Variants in CR1L observed in about 807,000 individuals in gnomAD.
CR1L encodes complement component receptor 1-like protein.
CR1L carries 59 observed loss-of-function variants against 62.3 expected under a neutral mutation model. The ratio of observed to expected loss-of-function variants is 0.95; its 90% CI spans 0.77 to 1.18. CR1L has a LOEUF of 1.18. Ranked by LOEUF, CR1L falls within the 50% of genes most tolerant of loss-of-function variation. The probability of loss-of-function intolerance (pLI) is 0.00; values close to 1 mark genes in which losing one functional copy is unlikely to be tolerated. For missense variants in CR1L, 700 were observed against 702.8 expected, an observed-to-expected ratio of 1.00 and a Z score of 0.04; for synonymous variants, 279 against 248.7, an observed-to-expected ratio of 1.12 and a Z score of -1.15.
chr1:207,718,240 G>T (rs533761028), intron 11 of CR1L, among the ~76,000 whole-genome samples: 13 of 152,246 alleles, frequency 8.5e-5, no homozygotes, highest in Admixed American at 7.8e-4. Flanking sequence ...AACTCGGGAG[G>T]CCCTGGAGAA....
chr1:207,683,005 T>A (rs1283984361), intron 3 of CR1L, among the ~76,000 whole-genome samples: 1 of 124,274 alleles, frequency 8.0e-6, no homozygotes, highest in African/African-American at 2.7e-5. Flanking sequence ...TCTTTCTTTC[T>A]TTCTTTTTCT....
chr1:207,709,716 A>G (rs1664322848), intron 10 of CR1L, among the ~76,000 whole-genome samples: 1 of 151,348 alleles, frequency 6.6e-6, no homozygotes, highest in Non-Finnish European at 1.5e-5. Flanking sequence ...GCATGTCTGT[A>G]ATCCCAGCTA....
chr1:207,717,348 T>A (rs1654023264), intron 10 of CR1L, 116 bp from the exon 11 acceptor site: 1 of 1,187,504 alleles, frequency 8.4e-7, no homozygotes. Context: ...CCACCTTAGT[T>A]ATAGTCTTTC....
intron 4 of CR1L, among the ~76,000 whole-genome samples, chr1:207,686,385 G>A (rs1558018990): frequency 6.6e-6 from 1 of 151,636 alleles, no homozygotes; most frequent in Non-Finnish European, 1.5e-5. Context: ...TTTGAATTAA[G>A]GACATTCTCA....
At chr1:207,706,038 T>TATATATAC (rs1664262229) in intron 9 of CR1L, among the ~76,000 whole-genome samples, 1 of 145,436 alleles carries the variant, frequency 6.9e-6, no homozygotes, top group South Asian at 2.1e-4. Context: ...TATATATATA[T>TATATATAC]ATATATAAAA....
At chr1:207,655,666 G>A (rs1203547301) in intron 1 of CR1L, among the ~76,000 whole-genome samples, 4 of 152,234 alleles carry the variant, frequency 2.6e-5, no homozygotes, top group African/African-American at 4.8e-5. Flanking sequence ...TTGAACTCCC[G>A]TGCTCAAGCA....
chr1:207,645,533 G>A (rs1378560563), intron 1 of CR1L, among the ~76,000 whole-genome samples: 1 of 152,218 alleles, frequency 6.6e-6, no homozygotes, highest in African/African-American at 2.4e-5. Context: ...AGCTTGTTTG[G>A]TGGCATCGTG....
intron 10 of CR1L, chr1:207,710,928 AT>A: frequency 1.1e-6 from 1 of 877,562 alleles, no homozygotes; most frequent in South Asian, 1.7e-5. Context: ...GAAATTAAGA[AT>A]CTGGGGTGTG....
chr1:207,698,627 G>A (rs1279599572), intron 7 of CR1L, among the ~76,000 whole-genome samples: 1 of 152,162 alleles, frequency 6.6e-6, no homozygotes, highest in Non-Finnish European at 1.5e-5. Flanking sequence ...CAGACATTGA[G>A]AATTTTCAAC....
Position 207,677,515 on chromosome 1 carries a change from C to G in CR1L, c.224C>G (p.Ser75Cys), listed in dbSNP as rs1336309042. The change falls in exon 2 of 12, where the codon TCT becomes TGT. Residue 75 changes from serine (S) to cysteine (C), a missense_variant. By Grantham distance (112) the Ser-to-Cys change is moderately radical. Coordinates refer to ENST00000508064, the MANE Select transcript of CR1L (RefSeq NM_175710.2). ...CCTGGTTATTCCGGAAGACCGTTTT[C>G]TATCATCTGCCTAAAAAACTCAGTC... ...CRPGYSGRPF[S>C]IICLKNSVWT... The G allele has an allele frequency of 6.2e-7, 1 of 1,613,786 alleles. No homozygotes were observed. Among genetic ancestry groups the G allele is most frequent in the Non-Finnish European group, 8.5e-7 (1 of 1,179,868 alleles).
At chr1:207,710,421 AT>A in intron 10 of CR1L, 1 of 1,567,186 alleles carries the variant, frequency 6.4e-7, no homozygotes, top group Non-Finnish European at 8.8e-7. Flanking sequence ...ACCAATGGAT[AT>A]TTCATTAGCA....
intron 8 of CR1L, 98 bp from the exon 9 acceptor site, chr1:207,701,421 C>G: frequency 6.9e-7 from 1 of 1,458,796 alleles, no homozygotes; most frequent in Non-Finnish European, 9.5e-7. Flanking sequence ...ATCAGAACTG[C>G]GTGTTTTCTT....
chr1:207,714,150 A>G (rs1353851152), intron 10 of CR1L, among the ~76,000 whole-genome samples: 2 of 152,244 alleles, frequency 1.3e-5, no homozygotes, highest in Admixed American at 1.3e-4. Flanking sequence ...TTCTCAGCAG[A>G]GAAGAGACAC....
chr1:207,645,582 CA>C (rs1223247334), intron 1 of CR1L, among the ~76,000 whole-genome samples: 1 of 152,144 alleles, frequency 6.6e-6, no homozygotes, highest in Non-Finnish European at 1.5e-5. Context: ...GCTGCGTTCC[CA>C]AAAGAAGCGT....
rs759388813 is a variant in CR1L, at chr1:207,677,583, AGTGGGAACC to A, written c.277+16_277+24del. On this transcript the variant is annotated intron_variant, in intron 2 of 11. Coordinates refer to ENST00000508064, the MANE Select transcript of CR1L (RefSeq NM_175710.2). ...CAAGTGCAAACGTAAGTAACTCTGG[AGTGGGAACC>A]CCTCTGTTAGTCAAACATCTGTAAG... 2,056 of 1,608,920 alleles carry A rather than the reference AGTGGGAACC, an allele frequency of 1.3e-3. 2 individuals are homozygous for A. The highest frequency in any genetic ancestry group is 1.6e-3 in the Non-Finnish European group (1,879 of 1,178,020).
chr1:207,711,154 T>C (rs1664351092), intron 10 of CR1L, among the ~76,000 whole-genome samples: 1 of 152,214 alleles, frequency 6.6e-6, no homozygotes, highest in Non-Finnish European at 1.5e-5. Flanking sequence ...AACAACACTG[T>C]CTTATTTAAG....
At chr1:207,701,861 A>C (rs1324716371) in intron 9 of CR1L, 2 of 666,536 alleles carry the variant, frequency 3.0e-6, no homozygotes, top group Non-Finnish European at 5.5e-6. Flanking sequence ...GGAAGGAAAA[A>C]AAATTAGGAG....
At chr1:207,713,139 A>C (rs191562537) in intron 10 of CR1L, among the ~76,000 whole-genome samples, 1 of 152,198 alleles carries the variant, frequency 6.6e-6, no homozygotes, top group Non-Finnish European at 1.5e-5. Flanking sequence ...CATACAACTC[A>C]ATATCAGATA....
chr1:207,689,892 G>A (rs1663970217), intron 4 of CR1L, among the ~76,000 whole-genome samples: 1 of 151,792 alleles, frequency 6.6e-6, no homozygotes, highest in Non-Finnish European at 1.5e-5. Context: ...TAGGTTATTA[G>A]CATAATGCTA....
Sources: gnomAD v4.1 joint callset for allele counts (sites outside exome capture counted in the v4.1 genomes callset) on GRCh38, gnomAD v4.1.1 for gene constraint, MANE v1.5 for transcripts, NCBI Gene and HGNC (gene_info 2026-07-23, HGNC 2026-07-21) for gene names.